FAM3B: variants seen among roughly 807,000 people sequenced by gnomAD.
FAM3B encodes FAM3 metabolism regulating signaling molecule B.
Under a neutral mutation model 28.4 loss-of-function variants are expected in FAM3B, and 29 were observed. The observed-to-expected ratio is 1.02, with a 90% CI of 0.76 to 1.39. The LOEUF is 1.39. Ranked by LOEUF, FAM3B falls within the 40% of genes most tolerant of loss-of-function variation. The pLI, the probability that FAM3B is intolerant of heterozygous loss-of-function variation, is 0.00. For missense variants in FAM3B, 266 were observed against 293.9 expected, an observed-to-expected ratio of 0.91 and a Z score of 0.69; for synonymous variants, 91 against 103.0, an observed-to-expected ratio of 0.88 and a Z score of 0.71.
chr21:41,332,020 G>A (rs1389072894), intron 2 of FAM3B, among the ~76,000 whole-genome samples: 1 of 152,208 alleles, frequency 6.6e-6, no homozygotes, highest in Non-Finnish European at 1.5e-5. Context: ...GTAATTCCCA[G>A]TGCTGGAGGT....
At chr21:41,349,625 G>A (rs2089096231) in intron 7 of FAM3B, among the ~76,000 whole-genome samples, 1 of 152,176 alleles carries the variant, frequency 6.6e-6, no homozygotes, top group South Asian at 2.1e-4. Flanking sequence ...TGGGAAGAAA[G>A]ACAAGCAACA....
intron 6 of FAM3B, among the ~76,000 whole-genome samples, chr21:41,348,366 T>C (rs2089083187): frequency 6.6e-6 from 1 of 152,184 alleles, no homozygotes; most frequent in East Asian, 1.9e-4. Context: ...TGCCCCAAAC[T>C]GGGGCCTAAA....
intron 3 of FAM3B, among the ~76,000 whole-genome samples, chr21:41,342,279 C>T (rs2089013453): frequency 6.6e-6 from 1 of 152,130 alleles, no homozygotes; most frequent in Admixed American, 6.6e-5. Context: ...CTTAGAGATT[C>T]CTTGTCTGGT....
intron 1 of FAM3B, 189 bp from the exon 2 acceptor site, chr21:41,322,734 T>G: frequency 1.3e-6 from 1 of 765,630 alleles, no homozygotes. Flanking sequence ...TTGTATTCTC[T>G]GATACTGTCT....
At chr21:41,335,878 G>A (rs1377528340) in intron 2 of FAM3B, among the ~76,000 whole-genome samples, 3 of 152,184 alleles carry the variant, frequency 2.0e-5, no homozygotes, top group African/African-American at 2.4e-5. Flanking sequence ...TTTTGTTGCT[G>A]CTGGATGGAA....
At position 41,326,274 on chromosome 21, in the gene FAM3B, C is replaced by A. The variant is rs547675859; in HGVS notation, c.163+3208C>A. ...CTCCAATCCCACACTGAGTTAGGAACATGGTCTTCTTTCTTCATTCACGTG... is the reference window on the plus strand; with the variant it reads ...CTCCAATCCCACACTGAGTTAGGAAAATGGTCTTCTTTCTTCATTCACGTG... On this transcript the variant is annotated intron_variant, in intron 2 of 7. Coordinates refer to ENST00000357985, the MANE Select transcript of FAM3B (RefSeq NM_058186.4). This position sits in a 1 kb window ranked among gnomAD's most constrained non-coding sequence, Gnocchi z 4.0. Among the ~76,000 whole-genome samples, 7 of 152,340 alleles carry A rather than the reference C, an allele frequency of 4.6e-5. No homozygotes were observed. The highest frequency in any genetic ancestry group is 8.8e-5 in the Non-Finnish European group (6 of 68,036).
chr21:41,332,136 G>A (rs116281029), intron 2 of FAM3B, among the ~76,000 whole-genome samples: 2,385 of 152,216 alleles, frequency 0.016, 47 homozygotes, highest in African/African-American at 0.055. Flanking sequence ...AAAAGTGTGT[G>A]GCATCTCCCC....
At chr21:41,337,475 T>TG in intron 2 of FAM3B, among the ~76,000 whole-genome samples, 1 of 152,338 alleles carries the variant, frequency 6.6e-6, no homozygotes, top group East Asian at 1.9e-4. Context: ...TGCTGACCCC[T>TG]GTGAAATAAG....
At chr21:41,350,884 C>A (rs888911386) in intron 7 of FAM3B, among the ~76,000 whole-genome samples, 9 of 152,228 alleles carry the variant, frequency 5.9e-5, no homozygotes, top group African/African-American at 2.2e-4. Context: ...TCTCCAGGGG[C>A]CTTGTCCCAC....
intron 1 of FAM3B, among the ~76,000 whole-genome samples, chr21:41,306,018 T>G (rs553676926): frequency 6.6e-6 from 1 of 152,374 alleles, no homozygotes; most frequent in East Asian, 1.9e-4. Context: ...TTATGTAGTA[T>G]TCTCAAATCT....
Position 41,343,274 on chromosome 21 carries a change from G to T in FAM3B, c.288-1202G>T, listed in dbSNP as rs895451723. ...CCTTGGTTAAAAGTAGCTTTTAAAC[G>T]CTGGACTTACCAACCTGAAATTTAG... On this transcript the variant is annotated intron_variant, in intron 3 of 7. Coordinates refer to ENST00000357985, the MANE Select transcript of FAM3B (RefSeq NM_058186.4). Among the ~76,000 whole-genome samples, 6 of 152,232 alleles carry T rather than the reference G, an allele frequency of 3.9e-5. No individual in the cohort carries two copies. In the South Asian group the frequency reaches 1.2e-3, roughly 32 times the overall value.
rs2089066832 is a variant in FAM3B at position 41,347,023 on chromosome 21, A to C, written c.408A>C (p.Gly136=). ...CFDMYEGDNS[G]PMTKFIQSAA... ...TGCATCCCCCAATAGATAACTCTGG[A>C]CCGATGACAAAGTTTATTCAGAGTG... The change falls in exon 6 of 8, where the codon GGA becomes GGC. Residue 136 remains glycine, a synonymous_variant. Transcript: ENST00000357985. The C allele has an allele frequency of 6.2e-7, 1 of 1,614,134 alleles. No individual in the cohort carries two copies. The highest frequency in any genetic ancestry group is 8.5e-7 in the Non-Finnish European group (1 of 1,179,978).
At chr21:41,336,111 G>A (rs2088953070) in intron 2 of FAM3B, among the ~76,000 whole-genome samples, 1 of 152,204 alleles carries the variant, frequency 6.6e-6, no homozygotes, top group African/African-American at 2.4e-5. Context: ...AAGGAGGCAT[G>A]TTTGCCCGTT....
intron 1 of FAM3B, among the ~76,000 whole-genome samples, chr21:41,311,276 A>G (rs1390102786): frequency 2.3e-5 from 2 of 85,278 alleles, no homozygotes; most frequent in Admixed American, 1.2e-4. Flanking sequence ...ATATATATAT[A>G]TATATATATA....
intron 1 of FAM3B, among the ~76,000 whole-genome samples, chr21:41,308,355 C>T (rs754272558): frequency 6.6e-5 from 10 of 152,214 alleles, no homozygotes; most frequent in South Asian, 2.1e-4. Context: ...CCCCAAACCA[C>T]CCAGCCATGA....
At chr21:41,330,609 A>C (rs1276674578) in intron 2 of FAM3B, among the ~76,000 whole-genome samples, 1 of 152,194 alleles carries the variant, frequency 6.6e-6, no homozygotes, top group Non-Finnish European at 1.5e-5. Flanking sequence ...ACTGGTAAGT[A>C]CCATTCTCCT....
At chr21:41,312,984 A>G (rs1210029421), upstream of FAM3B, among the ~76,000 whole-genome samples, 1 of 152,202 alleles carries the variant, frequency 6.6e-6, no homozygotes, top group African/African-American at 2.4e-5. Context: ...CAGACCCCAC[A>G]TTGTTGGGAC....
intron 2 of FAM3B, among the ~76,000 whole-genome samples, chr21:41,331,961 T>C (rs1254619857): frequency 6.6e-6 from 1 of 152,248 alleles, no homozygotes; most frequent in African/African-American, 2.4e-5. Context: ...CACTTGGTCA[T>C]GGCAATTTCG....
chr21:41,350,997 G>A (rs1487317241), intron 7 of FAM3B, among the ~76,000 whole-genome samples: 2 of 151,998 alleles, frequency 1.3e-5, no homozygotes, highest in South Asian at 2.1e-4. Context: ...CCATGCACAC[G>A]AGCGTCTGTG....
Sources: gnomAD v4.1 joint callset for allele counts (sites outside exome capture counted in the v4.1 genomes callset) on GRCh38, gnomAD v4.1.1 for gene constraint, Gnocchi (gnomAD v3.1) non-coding constraint, MANE v1.5 for transcripts, NCBI Gene and HGNC (gene_info 2026-07-23, HGNC 2026-07-21) for gene names.